The following LRCH2 variants were observed in gnomAD, a reference collection of about 807,000 sequenced individuals.
LRCH2 encodes the protein leucine-rich repeat and calponin homology domain-containing protein 2.
Under a neutral mutation model 68.9 loss-of-function variants are expected in LRCH2, and 38 were observed. The observed-to-expected ratio is 0.55, with a 90% CI of 0.43 to 0.72. LRCH2 has a LOEUF of 0.72. LRCH2 is among the 30% of genes least tolerant of loss of function. LRCH2 has a pLI of 0.00. For missense variants in LRCH2, 528 were observed against 572.9 expected (o/e 0.92, Z 0.80); for synonymous variants, 191 against 208.1 (o/e 0.92, Z 0.71).
chrX:115,133,605 C>A (rs2072264847), intron 14 of LRCH2, among the ~76,000 whole-genome samples: 1 of 111,811 alleles, frequency 8.9e-6, no homozygotes, highest in Admixed American at 9.5e-5. Flanking sequence ...AGAATTCTCA[C>A]AATATTTCAA....
At chrX:115,157,590 G>A (rs1556540144) in intron 11 of LRCH2, among the ~76,000 whole-genome samples, 1 of 107,459 alleles carries the variant, frequency 9.3e-6, no homozygotes, top group Non-Finnish European at 1.9e-5. Flanking sequence ...CAAAGGACAA[G>A]TATCACACAC....
At chrX:115,150,146 G>A in intron 12 of LRCH2, 76 bp from the exon 13 acceptor site, 1 of 778,181 alleles carries the variant, frequency 1.3e-6, no homozygotes, top group Non-Finnish European at 1.8e-6. Flanking sequence ...AACCTTAGAT[G>A]TTATCTTTTT....
chrX:115,126,992 A>C, intron 15 of LRCH2, 99 bp from the exon 16 acceptor site: 1 of 481,519 alleles, frequency 2.1e-6, no homozygotes, highest in Non-Finnish European at 3.2e-6. Flanking sequence ...CCAACTACTA[A>C]AGGAAGACCT....
chrX:115,205,157 C>T (rs1368191535), intron 1 of LRCH2, among the ~76,000 whole-genome samples: 4 of 111,595 alleles, frequency 3.6e-5, no homozygotes, highest in African/African-American at 1.3e-4. Context: ...ACCATCAGAT[C>T]TCATAAGAAC....
At chrX:115,152,153 A>G (rs1422575654) in intron 12 of LRCH2, among the ~76,000 whole-genome samples, 2 of 111,928 alleles carry the variant, frequency 1.8e-5, no homozygotes, top group East Asian at 5.7e-4. Flanking sequence ...GGAAAACCTC[A>G]TAATTCACAG....
intron 14 of LRCH2, among the ~76,000 whole-genome samples, chrX:115,146,131 G>C (rs1556536017): frequency 8.9e-6 from 1 of 111,889 alleles, no homozygotes; most frequent in African/African-American, 3.2e-5. Context: ...TCTGTCATTT[G>C]CAACATGGAT....
chrX:115,207,111 T>C (rs1370981522), intron 1 of LRCH2, among the ~76,000 whole-genome samples: 3 of 111,554 alleles, frequency 2.7e-5, no homozygotes, highest in Admixed American at 1.9e-4. Flanking sequence ...TTAACATGTA[T>C]ACTAGGGCAA....
At chrX:115,224,951 T>C (rs1336063941) in intron 1 of LRCH2, among the ~76,000 whole-genome samples, 2 of 111,629 alleles carry the variant, frequency 1.8e-5, no homozygotes, top group Non-Finnish European at 3.8e-5. Context: ...AAAAAGAATA[T>C]ATTCTAAAGC....
At chrX:115,172,979 T>C (rs1460256196) in intron 5 of LRCH2, among the ~76,000 whole-genome samples, 3 of 110,647 alleles carry the variant, frequency 2.7e-5, no homozygotes, top group African/African-American at 9.9e-5. Context: ...TACCTCACAT[T>C]TGATGACAGT....
intron 1 of LRCH2, among the ~76,000 whole-genome samples, chrX:115,226,996 C>T (rs1556576460): frequency 9.0e-6 from 1 of 111,427 alleles, no homozygotes; most frequent in Non-Finnish European, 1.9e-5. Flanking sequence ...GGTTTCTCAA[C>T]CTTGGCACCA....
At chrX:115,130,026 G>A in intron 15 of LRCH2, 129 bp downstream of exon 15, 2 of 361,667 alleles carry the variant, frequency 5.5e-6, no homozygotes, top group Non-Finnish European at 9.7e-6. Context: ...TGTTTTTATT[G>A]TTGAAAAAAA....
chrX:115,129,213 G>T (rs782269829), intron 15 of LRCH2, among the ~76,000 whole-genome samples: 69 of 110,927 alleles, frequency 6.2e-4, no homozygotes, highest in Non-Finnish European at 1.2e-3. Context: ...TTCACTGAAG[G>T]CTTGACAGCT....
In LRCH2 at chrX:115,174,332, T is replaced by C. The variant is rs1307395685; in HGVS notation, c.865-3900A>G. Among the ~76,000 whole-genome samples, 5 of 110,606 alleles carry C rather than the reference T, an allele frequency of 4.5e-5. No homozygotes were observed. In the Admixed American group the frequency reaches 4.9e-4, roughly 11 times the overall value. ...CCTCAGTACTTATTCATCTTATAAC[T>C]GAAGGATGGTACCGTTTAAAATCTC... is the stretch of plus-strand genomic sequence containing the variant. On this transcript the variant is annotated intron_variant, in intron 5 of 20. Transcript: ENST00000317135.
rs1256172108 is a variant in LRCH2, at chrX:115,111,013, T to C, written c.*2203A>G. On this transcript the variant is annotated 3_prime_UTR_variant, in exon 21 of 21. Transcript: ENST00000317135. ...TTAATTCAATAACTGATGAAATAGA[T>C]AATAGCCATAAAAACATTTAGAATA... is the stretch of plus-strand genomic sequence containing the variant. 2 of 111,851 alleles carry C rather than the reference T, an allele frequency of 1.8e-5. No individual in the cohort carries two copies. The highest frequency in any genetic ancestry group is 6.5e-5 in the African/African-American group (2 of 30,803). The allele number at this position is 111,851 out of a possible 1,213,427, so 9.2% of individuals were successfully genotyped here.
chrX:115,129,171 T>C (rs1556529084), intron 15 of LRCH2, among the ~76,000 whole-genome samples: 1 of 111,317 alleles, frequency 9.0e-6, no homozygotes, highest in Non-Finnish European at 1.9e-5. Context: ...TACAGACAAA[T>C]CTGAGAGGCT....
chrX:115,114,487 A>C (rs941928442), intron 20 of LRCH2, among the ~76,000 whole-genome samples: 12 of 111,099 alleles, frequency 1.1e-4, no homozygotes, highest in Non-Finnish European at 1.9e-4. Context: ...AATAATGAGA[A>C]TGAGAGAGGA....
intron 1 of LRCH2, among the ~76,000 whole-genome samples, chrX:115,208,706 T>C (rs1244958630): frequency 8.9e-6 from 1 of 112,170 alleles, no homozygotes; most frequent in Non-Finnish European, 1.9e-5. Flanking sequence ...TATTATACTA[T>C]ACTAATTATA....
chrX:115,233,804 G>T lies in LRCH2; in HGVS notation c.238C>A (p.Leu80Met). The change falls in exon 1 of 21, where the codon CTG becomes ATG. Residue 80 changes from leucine (L) to methionine (M), a missense_variant. Transcript: ENST00000317135. ...CCCGCCTCTTCCAGGGCCCGGTCCAGGCTCCTCACGGTGTGCTGAGGCTGC... is the reference window on the plus strand; with the variant it reads ...CCCGCCTCTTCCAGGGCCCGGTCCATGCTCCTCACGGTGTGCTGAGGCTGC... Reference protein sequence around the residue: ...SLQPQHTVRSLDRALEEAGSS... With the variant: ...SLQPQHTVRSMDRALEEAGSS... 8.5e-7 allele frequency: 1 copy of T among 1,172,262 alleles called. No individual in the cohort carries two copies.
At chrX:115,125,643 ATATATATACACG>A (rs1311760612) in intron 16 of LRCH2, among the ~76,000 whole-genome samples, 1 of 90,978 alleles carries the variant, frequency 1.1e-5, no homozygotes, top group African/African-American at 4.1e-5. Flanking sequence ...ATATATACAT[ATATATATACACG>A]TATATATATA....
Sources: gnomAD v4.1 joint callset for allele counts (sites outside exome capture counted in the v4.1 genomes callset) on GRCh38, gnomAD v4.1.1 for gene constraint, MANE v1.5 for transcripts, NCBI Gene and HGNC (gene_info 2026-07-23, HGNC 2026-07-21) for gene names.